Variants in SLC26A4 observed in about 807,000 individuals in gnomAD.
SLC26A4 encodes the protein solute carrier family 26 member 4.
SLC26A4 carries 93 observed loss-of-function variants against 90.4 expected under a neutral mutation model. The ratio of observed to expected loss-of-function variants is 1.03; its 90% confidence interval spans 0.87 to 1.22. SLC26A4 has a LOEUF of 1.22. SLC26A4 is among the 50% of genes most tolerant of loss of function. SLC26A4 has a pLI of 0.00. For missense variants in SLC26A4, 1,127 were observed against 946.2 expected, an observed-to-expected ratio of 1.19 and a Z score of -2.51; for synonymous variants, 393 against 354.6, an observed-to-expected ratio of 1.11 and a Z score of -1.22.
chr7:107,661,760 T>G lies in SLC26A4; in HGVS notation c.119T>G (p.Leu40Arg). Reference protein sequence around the residue: ...LAFQQQHERRLQERKTLRESL... With the variant: ...LAFQQQHERRRQERKTLRESL... ...TTCCAGCAACAGCACGAGCGGCGCC[T>G]GCAGGAGCGCAAGACGCTGCGGGAG... The change falls in exon 2 of 21, where the codon CTG (leucine) becomes CGG (arginine). Residue 40 changes from leucine (L) to arginine (R), a missense_variant. Coordinates refer to ENST00000644269, the MANE Select transcript of SLC26A4 (RefSeq NM_000441.2). The surrounding 1 kb of genome is among the most constrained non-coding windows in gnomAD (Gnocchi z 5.1). 1.3e-6 allele frequency: 2 copies of G among 1,544,320 alleles called. No homozygotes were observed. The highest frequency in any genetic ancestry group is 1.7e-6 in the Non-Finnish European group (2 of 1,148,650).
chr7:107,668,021 C>T (rs1415229002), intron 3 of SLC26A4, among the ~76,000 whole-genome samples: 1 of 152,032 alleles, frequency 6.6e-6, no homozygotes, highest in Non-Finnish European at 1.5e-5. Context: ...GAAAGGCACA[C>T]CCCCTGAGGA....
rs2129316889 is a variant in SLC26A4, at chr7:107,694,391, T to A, written c.1264-12T>A. The A allele has an allele frequency of 6.2e-7, 1 of 1,608,548 alleles. No homozygotes were observed. The highest frequency in any genetic ancestry group is 2.2e-5 in the East Asian group (1 of 44,850). ...GGACGAATCCTTTTCATAGGAGGTG[T>A]GTGTCTTCCAGGTTGCTGGCATCAT... On this transcript the variant is annotated splice_polypyrimidine_tract_variant and intron_variant, in intron 10 of 20. Coordinates refer to ENST00000644269, the MANE Select transcript of SLC26A4 (RefSeq NM_000441.2).
chr7:107,700,433 T>G (rs777994473), intron 15 of SLC26A4, among the ~76,000 whole-genome samples: 32 of 152,160 alleles, frequency 2.1e-4, no homozygotes, highest in Non-Finnish European at 4.1e-4. Flanking sequence ...TAGGCAGAAT[T>G]TGAGTAAGTT....
At chr7:107,677,138 C>G (rs1009322484) in intron 6 of SLC26A4, among the ~76,000 whole-genome samples, 1 of 152,228 alleles carries the variant, frequency 6.6e-6, no homozygotes, top group East Asian at 1.9e-4. Context: ...GATCATGCCA[C>G]TGCCTTCCAG....
At chr7:107,702,774 A>G (rs1050259577) in intron 17 of SLC26A4, among the ~76,000 whole-genome samples, 5 of 152,110 alleles carry the variant, frequency 3.3e-5, no homozygotes, top group Admixed American at 6.6e-5. Context: ...CTGAGAATGT[A>G]TAACAAGTGG....
At chr7:107,707,586 C>T (rs1049238549) in intron 18 of SLC26A4, among the ~76,000 whole-genome samples, 1 of 152,168 alleles carries the variant, frequency 6.6e-6, no homozygotes, top group South Asian at 2.1e-4. Context: ...ATTTCTGTGG[C>T]ACACAACAAT....
chr7:107,686,104 T>G (rs986411110), intron 8 of SLC26A4, among the ~76,000 whole-genome samples: 1 of 151,034 alleles, frequency 6.6e-6, no homozygotes, highest in South Asian at 2.1e-4. Flanking sequence ...GGTGTGTGTG[T>G]GTGGGTGTGT....
At chr7:107,688,756 TG>T (rs1448520196) in intron 8 of SLC26A4, among the ~76,000 whole-genome samples, 1 of 152,204 alleles carries the variant, frequency 6.6e-6, no homozygotes, top group Non-Finnish European at 1.5e-5. Flanking sequence ...TGGATGGGGC[TG>T]TATGATATTA....
chr7:107,661,424 C>T lies in SLC26A4; in HGVS notation c.-3-215C>T. 1.6e-6 allele frequency: 1 copy of T among 608,794 alleles called. No homozygotes were observed. Among genetic ancestry groups the T allele is most frequent in the Non-Finnish European group, 2.9e-6 (1 of 342,832 alleles). 37.7% of individuals were successfully genotyped at this position (608,794 alleles called of 1,614,324 possible). A position where few individuals can be genotyped will look rare whatever the true frequency, so the allele number is the denominator to read the frequency against. On this transcript the variant is annotated intron_variant, in intron 1 of 20. Coordinates refer to ENST00000644269, the MANE Select transcript of SLC26A4 (RefSeq NM_000441.2). The surrounding 1 kb of genome is among the most constrained non-coding windows in gnomAD (Gnocchi z 5.1). ...GGCAGCGGGTGCAGGCCACGAGACC[C>T]GAAGGTTCTCAGGTGCCCCCCTGCA...
At position 107,716,237 on chromosome 7, in the gene SLC26A4, A is replaced by G. The variant is rs146458433; in HGVS notation, c.*791A>G. 7.7e-4 allele frequency: 117 copies of G among 152,366 alleles called. No homozygotes were observed. The highest frequency in any genetic ancestry group is 2.4e-3 in the African/African-American group (100 of 41,596). The allele number at this position is 152,366 out of a possible 1,614,324, so 9.4% of individuals were successfully genotyped here. A position where few individuals can be genotyped will look rare whatever the true frequency, so the allele number is the denominator to read the frequency against. On this transcript the variant is annotated 3_prime_UTR_variant, in exon 21 of 21. Transcript: ENST00000644269. ...TGCAGTTTTAATTATCTTAGTCTAT[A>G]GAAATGATCATTGCATGGAGGCATG...
intron 12 of SLC26A4, among the ~76,000 whole-genome samples, chr7:107,695,150 G>A (rs1301875775): frequency 6.6e-6 from 1 of 152,178 alleles, no homozygotes; most frequent in East Asian, 1.9e-4. Context: ...ATCCTTCAGA[G>A]TTCCTCTCTA....
At chr7:107,682,293 C>T (rs947648769) in intron 6 of SLC26A4, among the ~76,000 whole-genome samples, 1 of 151,452 alleles carries the variant, frequency 6.6e-6, no homozygotes, top group Non-Finnish European at 1.5e-5. Flanking sequence ...CAAACCTGCA[C>T]GTTGTGCACA....
At chr7:107,711,056 T>C (rs1488846531) in intron 19 of SLC26A4, among the ~76,000 whole-genome samples, 1 of 152,042 alleles carries the variant, frequency 6.6e-6, no homozygotes, top group Non-Finnish European at 1.5e-5. Context: ...ATATTATTCT[T>C]TTTAGGCACT....
At chr7:107,669,380 A>G (rs1470070949) in intron 3 of SLC26A4, among the ~76,000 whole-genome samples, 1 of 152,206 alleles carries the variant, frequency 6.6e-6, no homozygotes, top group Non-Finnish European at 1.5e-5. Flanking sequence ...TGAAAACTGA[A>G]AAGTTCCCCT....
chr7:107,669,688 G>A (rs371184752), intron 3 of SLC26A4, among the ~76,000 whole-genome samples: 2 of 152,160 alleles, frequency 1.3e-5, no homozygotes, highest in African/African-American at 4.8e-5. Flanking sequence ...ACACATGGTA[G>A]GTGCATAATC....
chr7:107,666,858 T>A (rs1354092822), intron 3 of SLC26A4, among the ~76,000 whole-genome samples: 2 of 152,194 alleles, frequency 1.3e-5, no homozygotes, highest in Non-Finnish European at 2.9e-5. Flanking sequence ...TGCCTCACCC[T>A]ATTCCTGGCC....
chr7:107,686,042 AAC>A (rs552696852), intron 8 of SLC26A4, among the ~76,000 whole-genome samples: 6 of 138,338 alleles, frequency 4.3e-5, no homozygotes, highest in Non-Finnish European at 9.2e-5. Context: ...TCTTTTCTTT[AAC>A]AGAGTCTCAC....
intron 6 of SLC26A4, 49 bp from the exon 7 acceptor site, chr7:107,683,133 TGTGTGCGTGTGTGTGTGCTC>T: frequency 4.6e-6 from 5 of 1,092,122 alleles, no homozygotes; most frequent in Non-Finnish European, 6.9e-6. Flanking sequence ...TGATTGTGTG[TGTGTGCGTGTGTGTGTGCTC>T]GTGTGCGTGT....
intron 3 of SLC26A4, among the ~76,000 whole-genome samples, chr7:107,666,046 A>C (rs559344736): frequency 2.7e-4 from 41 of 152,264 alleles, no homozygotes; most frequent in African/African-American, 9.4e-4. Context: ...AGCCATGTGC[A>C]CTCAGTGGTT....
Sources: allele counts gnomAD v4.1 joint callset (sites outside exome capture counted in the v4.1 genomes callset), GRCh38; gene constraint gnomAD v4.1.1; non-coding constraint Gnocchi (gnomAD v3.1); transcripts MANE v1.5; gene names NCBI Gene and HGNC (gene_info 2026-07-23, HGNC 2026-07-21).